Variants in BPNT2 observed in about 807,000 individuals in gnomAD.
BPNT2 encodes Golgi-resident adenosine 3',5'-bisphosphate 3'-phosphatase.
A neutral mutation model predicts 29.3 loss-of-function variants in BPNT2; 11 were observed. The observed-to-expected ratio is 0.38, with a 90% CI of 0.24 to 0.62. The LOEUF (loss-of-function observed/expected upper bound fraction) is 0.62, where lower values mean the gene tolerates loss of function less well. Among genes scored for constraint, BPNT2 ranks in the 20% least tolerant of loss-of-function variants. The pLI, the probability that BPNT2 is intolerant of heterozygous loss-of-function variation, is 0.62. For synonymous variants in BPNT2, 195 were observed against 187.7 expected (o/e 1.04, Z -0.32); for missense variants, 459 against 473.4 (o/e 0.97, Z 0.28).
At position 56,962,137 on chromosome 8, in the gene BPNT2, C is replaced by T. The variant is rs986400222; in HGVS notation, c.*1656G>A. On this transcript the variant is annotated 3_prime_UTR_variant, in exon 5 of 5. Transcript: ENST00000262644. ...TTTAAATATCAAGTGTTCCACCTAC[C>T]AAAACTTTGAATGAATTTTCACTGA... The T allele has an allele frequency of 2.0e-5, 3 of 152,088 alleles. No individual in the cohort carries two copies. Among genetic ancestry groups the T allele is most frequent in the Non-Finnish European group, 4.4e-5 (3 of 68,018 alleles). The allele number at this position is 152,088 out of a possible 1,614,324, so 9.4% of individuals were successfully genotyped here.
In BPNT2 at chr8:56,960,648, G is replaced by A. The variant is rs1001837575; in HGVS notation, c.*3145C>T. 6.6e-6 allele frequency: 1 copy of A among 152,082 alleles called. No homozygotes were observed. The highest frequency in any genetic ancestry group is 2.4e-5 in the African/African-American group (1 of 41,394). The allele number at this position is 152,082 out of a possible 1,614,324, so 9.4% of individuals were successfully genotyped here. On this transcript the variant is annotated 3_prime_UTR_variant, in exon 5 of 5. Coordinates refer to ENST00000262644, the MANE Select transcript of BPNT2 (RefSeq NM_017813.5). ...GGTCCTTGTAAATTCAACTGAACTG[G>A]GGATACAAGTAGGAAAACAGTAAAA...
rs1805881426 is a variant in BPNT2 at position 56,963,602 on chromosome 8, A to T, written c.*191T>A. The T allele has an allele frequency of 6.6e-6, 4 of 604,800 alleles. No homozygotes were observed. The highest frequency in any genetic ancestry group is 1.2e-5 in the Non-Finnish European group (4 of 343,760). The allele number at this position is 604,800 out of a possible 1,614,324, so 37.5% of individuals were successfully genotyped here. A position where few individuals can be genotyped will look rare whatever the true frequency, so the allele number is the denominator to read the frequency against. On this transcript the variant is annotated 3_prime_UTR_variant, in exon 5 of 5. Coordinates refer to ENST00000262644, the MANE Select transcript of BPNT2 (RefSeq NM_017813.5). The stretch of plus-strand genomic sequence containing the variant: ...CTCAAAAATAAAGACAATACTTGAG[A>T]CACAAAGCAACCCATTTTCCCTGAT...
At chr8:56,982,742 T>C (rs1379924574) in intron 1 of BPNT2, among the ~76,000 whole-genome samples, 2 of 152,152 alleles carry the variant, frequency 1.3e-5, no homozygotes, top group East Asian at 3.8e-4. Flanking sequence ...GGAAGGGTTA[T>C]TCTTTAAGAA....
chr8:56,977,594 G>T (rs1333291371), intron 3 of BPNT2, among the ~76,000 whole-genome samples: 1 of 152,024 alleles, frequency 6.6e-6, no homozygotes, highest in African/African-American at 2.4e-5. Context: ...CTTGAAATCT[G>T]ACTTTATTTA....
chr8:56,975,079 G>C (rs895871789), intron 3 of BPNT2, among the ~76,000 whole-genome samples: 1 of 152,130 alleles, frequency 6.6e-6, no homozygotes, highest in Non-Finnish European at 1.5e-5. Flanking sequence ...AGGACTTCAA[G>C]ATATTTTTTT....
Position 56,992,102 on chromosome 8 carries a change from C to T in BPNT2, c.387+1097G>A, listed in dbSNP as rs896381617. ...AGGAGAATAAAAAACAAAACCAAAGCAATATTATGATAGACTGGAAGAAGC... is the reference window on the plus strand; with the variant it reads ...AGGAGAATAAAAAACAAAACCAAAGTAATATTATGATAGACTGGAAGAAGC... On this transcript the variant is annotated intron_variant, in intron 1 of 4. Coordinates refer to ENST00000262644, the MANE Select transcript of BPNT2 (RefSeq NM_017813.5). 3.3e-5 allele frequency among the ~76,000 whole-genome samples: 5 copies of T among 152,100 alleles called. No individual in the cohort carries two copies. The South Asian group carries it at 6.2e-4, about 19-fold the overall frequency.
rs763089023 is a variant in BPNT2 at position 56,959,843 on chromosome 8, G to A, written c.*3950C>T. On this transcript the variant is annotated 3_prime_UTR_variant, in exon 5 of 5. Transcript: ENST00000262644. The stretch of plus-strand genomic sequence containing the variant: ...AGAACTTAAGTTTTAATGGCAAAAA[G>A]TTCCTATTTTCCCCCATCTACTAAA... The A allele has an allele frequency of 3.9e-5, 6 of 152,180 alleles. No homozygotes were observed. The South Asian group carries it at 1.2e-3, about 32-fold the overall frequency. 9.4% of individuals were successfully genotyped at this position (152,180 alleles called of 1,614,324 possible).
chr8:56,970,893 A>G (rs927944571), intron 3 of BPNT2, among the ~76,000 whole-genome samples: 21 of 152,180 alleles, frequency 1.4e-4, no homozygotes, highest in African/African-American at 5.1e-4. Flanking sequence ...AAAAGTAAAA[A>G]AAAATGAAGA....
At chr8:56,978,213 A>G in intron 2 of BPNT2, 68 bp from the exon 3 acceptor site, 3 of 990,350 alleles carry the variant, frequency 3.0e-6, no homozygotes, top group Non-Finnish European at 4.8e-6. Context: ...AAGATACAAT[A>G]TTACACTTTA....
Position 56,993,474 on chromosome 8 carries a change from G to C in BPNT2, c.112C>G (p.Leu38Val). ...CCAGGCTCGCCGCCCAGGCCGAAGA[G>C]GCTGAAGCGGCCGGCCAAGAAGCCC... is the stretch of plus-strand genomic sequence containing the variant. ...YSGFLAGRFS[L>V]FGLGGEPGGG... Residue 38 changes from leucine to valine, a missense_variant, in exon 1 of 5, where the codon CTC (leucine) becomes GTC (valine). Physicochemically the swap from Leu to Val is conservative, Grantham distance 32 (BLOSUM62 1). Coordinates refer to ENST00000262644, the MANE Select transcript of BPNT2 (RefSeq NM_017813.5). The C allele has an allele frequency of 2.7e-6, 4 of 1,498,920 alleles. No individual in the cohort carries two copies. In the Admixed American group the frequency reaches 9.1e-5, roughly 34 times the overall value. The allele number at this position is 1,498,920 out of a possible 1,614,324, so 92.9% of individuals were successfully genotyped here.
intron 4 of BPNT2, among the ~76,000 whole-genome samples, chr8:56,965,883 G>A (rs1353525787): frequency 1.3e-5 from 2 of 152,160 alleles, no homozygotes; most frequent in Non-Finnish European, 2.9e-5. Flanking sequence ...TATTCCCACA[G>A]TTAAGTAAGA....
chr8:56,970,118 T>C (rs1038807888), intron 3 of BPNT2, among the ~76,000 whole-genome samples: 2 of 152,140 alleles, frequency 1.3e-5, no homozygotes, highest in African/African-American at 4.8e-5. Flanking sequence ...AAAGGTTTAA[T>C]AAAACTGGAT....
At chr8:56,988,168 A>C (rs1346901079) in intron 1 of BPNT2, among the ~76,000 whole-genome samples, 1 of 152,180 alleles carries the variant, frequency 6.6e-6, no homozygotes, top group African/African-American at 2.4e-5. Context: ...GTAGTGTCTC[A>C]TATCTTAAAA....
intron 1 of BPNT2, among the ~76,000 whole-genome samples, chr8:56,981,957 A>T (rs1397229815): frequency 6.6e-6 from 1 of 152,064 alleles, no homozygotes; most frequent in African/African-American, 2.4e-5. Context: ...TCAATACAAC[A>T]TCTCTCACCT....
chr8:56,989,108 C>T (rs924204588), intron 1 of BPNT2, among the ~76,000 whole-genome samples: 4 of 152,086 alleles, frequency 2.6e-5, no homozygotes, highest in African/African-American at 4.8e-5. Context: ...TCTGCTATAC[C>T]GCCTTATATA....
At chr8:56,979,710 TA>T (rs1806208384) in intron 2 of BPNT2, among the ~76,000 whole-genome samples, 2 of 152,054 alleles carry the variant, frequency 1.3e-5, no homozygotes, top group Non-Finnish European at 2.9e-5. Context: ...TAGGACTAGG[TA>T]AAAAAGGGGA....
At position 56,966,336 on chromosome 8, in the gene BPNT2, A is replaced by G. The variant is rs1290808495; in HGVS notation, c.663T>C (p.Asp221=). 4 of 1,613,966 alleles carry G rather than the reference A, an allele frequency of 2.5e-6. No homozygotes were observed. Among genetic ancestry groups the G allele is most frequent in the South Asian group, 2.2e-5 (2 of 91,088 alleles). Residue 221 remains aspartate (D), a synonymous_variant, in exon 4 of 5, where the codon GAT becomes GAC. Transcript: ENST00000262644. Reference sequence around the variant, plus strand: ...AGCGGGCTTTCACATTTGAACCACCATCTACCATTGCCCAAGCTGAAAAGC... The same window carrying G: ...AGCGGGCTTTCACATTTGAACCACCGTCTACCATTGCCCAAGCTGAAAAGC... ...FSEYTAWAMV[D]GGSNVKARSS...
At chr8:56,968,976 A>C (rs1212015602) in intron 3 of BPNT2, among the ~76,000 whole-genome samples, 2 of 152,188 alleles carry the variant, frequency 1.3e-5, no homozygotes, top group African/African-American at 4.8e-5. Context: ...TGTCCTTATA[A>C]GCAGGGGAGA....
At chr8:56,976,472 ATAAT>A (rs1430522809) in intron 3 of BPNT2, among the ~76,000 whole-genome samples, 6 of 152,226 alleles carry the variant, frequency 3.9e-5, no homozygotes, top group Admixed American at 3.9e-4. Flanking sequence ...AAGCAATTAT[ATAAT>A]TAATCTTACA....
Sources: allele counts gnomAD v4.1 joint callset (sites outside exome capture counted in the v4.1 genomes callset), GRCh38; gene constraint gnomAD v4.1.1; transcripts MANE v1.5; gene names NCBI Gene and HGNC (gene_info 2026-07-23, HGNC 2026-07-21).